GBX2: variants seen among roughly 807,000 people sequenced by gnomAD.
The protein encoded by GBX2 is gastrulation brain homeobox 2.
In GBX2, 5 loss-of-function variants were observed where a neutral mutation model predicts 22.4. The ratio of observed to expected loss-of-function variants is 0.22; its 90% CI spans 0.12 to 0.47. The LOEUF (loss-of-function observed/expected upper bound fraction) is 0.47. Ranked by LOEUF, GBX2 falls within the 20% of genes least tolerant of loss-of-function variation. GBX2 has a pLI of 0.99. For synonymous variants in GBX2, 220 were observed against 230.5 expected (o/e 0.95, Z 0.41); for missense variants, 470 against 495.4 (o/e 0.95, Z 0.49).
Position 236,168,232 on chromosome 2 carries a change from T to G in GBX2, c.-261A>C. On this transcript the variant is annotated 5_prime_UTR_variant, in exon 1 of 2. Transcript: ENST00000306318. ...GCTCGCCGGAGCCCCCGTCCGCCGC[T>G]TGCCCGTCGGAGCCCGCGCGCTTCG... is the stretch of plus-strand genomic sequence containing the variant. 4 of 231,768 alleles carry G rather than the reference T, an allele frequency of 1.7e-5. No individual in the cohort carries two copies. Among genetic ancestry groups the G allele is most frequent in the Non-Finnish European group, 2.5e-5 (3 of 120,820 alleles). 14.4% of individuals were successfully genotyped at this position (231,768 alleles called of 1,614,324 possible).
At chr2:236,161,537 T>A (rs541270705), downstream of GBX2, among the ~76,000 whole-genome samples, 3 of 152,294 alleles carry the variant, frequency 2.0e-5, no homozygotes, top group South Asian at 6.2e-4. Flanking sequence ...GTCTGGGCTG[T>A]CCCTGTAGAA....
rs1288130818 is a variant in GBX2, at chr2:236,165,537, T to C, written c.*377A>G. The C allele has an allele frequency of 1.1e-5, 2 of 175,346 alleles. No individual in the cohort carries two copies. The highest frequency in any genetic ancestry group is 4.7e-5 in the African/African-American group (2 of 42,254). The allele number at this position is 175,346 out of a possible 1,614,324, so 10.9% of individuals were successfully genotyped here. A position where few individuals can be genotyped will look rare whatever the true frequency, so the allele number is the denominator to read the frequency against. On this transcript the variant is annotated 3_prime_UTR_variant, in exon 2 of 2. Coordinates refer to ENST00000306318, the MANE Select transcript of GBX2 (RefSeq NM_001485.4). ...TGTTCTTGGGTTTCACGTTTACCTTTGGAAAAGTATGGAAAGGTGGCTGCT... is the reference window on the plus strand; with the variant it reads ...TGTTCTTGGGTTTCACGTTTACCTTCGGAAAAGTATGGAAAGGTGGCTGCT...
rs1433748050 is a variant in GBX2 at position 236,165,889 on chromosome 2, G to A, written c.*25C>T. ...GGTGCGGGGGCTTCTCCAGGTGGGTGCCAGGCCCTGGCCCTTCTGGACCCT... is the reference window on the plus strand; with the variant it reads ...GGTGCGGGGGCTTCTCCAGGTGGGTACCAGGCCCTGGCCCTTCTGGACCCT... On this transcript the variant is annotated 3_prime_UTR_variant, in exon 2 of 2. Coordinates refer to ENST00000306318, the MANE Select transcript of GBX2 (RefSeq NM_001485.4). 6.4e-7 allele frequency: 1 copy of A among 1,572,184 alleles called. No homozygotes were observed. The highest frequency in any genetic ancestry group is 8.6e-7 in the Non-Finnish European group (1 of 1,159,300).
At chr2:236,161,802 G>A (rs1271725674), downstream of GBX2, among the ~76,000 whole-genome samples, 1 of 152,224 alleles carries the variant, frequency 6.6e-6, no homozygotes, top group Non-Finnish European at 1.5e-5. Flanking sequence ...CTGAAGTCCA[G>A]CAGGGGAAAG....
At position 236,165,986 on chromosome 2, in the gene GBX2, G is replaced by C; in HGVS notation, c.975C>G (p.Val325=). ...ACCTGCTGACGTGGACAGGGATGGG[G>C]ACGACGATCTTAGGGTTCCGGGAGG... The part of the protein sequence containing the change: ...GEPSRNPKIV[V]PIPVHVSRFA... Residue 325 remains valine (V), a synonymous_variant, in exon 2 of 2, where the codon GTC becomes GTG. Coordinates refer to ENST00000306318, the MANE Select transcript of GBX2 (RefSeq NM_001485.4). 3 of 1,614,190 alleles carry C rather than the reference G, an allele frequency of 1.9e-6. 1 individual carries two copies. In the South Asian group the frequency reaches 3.3e-5, roughly 18 times the overall value.
At chr2:236,163,873 G>A (rs1208215131), downstream of GBX2, among the ~76,000 whole-genome samples, 2 of 152,250 alleles carry the variant, frequency 1.3e-5, no homozygotes, top group East Asian at 1.9e-4. Context: ...CGACCCGGGC[G>A]CCATCCCCTC....
Position 236,167,292 on chromosome 2 carries a change from G to A in GBX2, c.523+157C>T, listed in dbSNP as rs574751113. On this transcript the variant is annotated intron_variant, in intron 1 of 1. Transcript: ENST00000306318. ...TGGGTGGCTCTGAATGTCCCCCGGA[G>A]GCCCAGCGGCACAGCCGGGCCTCAT... The A allele has an allele frequency of 2.9e-5, 40 of 1,393,978 alleles. No individual in the cohort carries two copies. In the African/African-American group the frequency reaches 4.7e-4, roughly 16 times the overall value. The allele number at this position is 1,393,978 out of a possible 1,614,324, so 86.4% of individuals were successfully genotyped here. A position where few individuals can be genotyped will look rare whatever the true frequency, so the allele number is the denominator to read the frequency against.
downstream of GBX2, among the ~76,000 whole-genome samples, chr2:236,164,559 C>T (rs1410600786): frequency 1.3e-5 from 2 of 152,152 alleles, no homozygotes; most frequent in Non-Finnish European, 2.9e-5. Context: ...CCCAGCTCCC[C>T]TGCGTAGCCT....
rs1306900922 is a variant in GBX2, at chr2:236,168,245, C to T, written c.-274G>A. Reference sequence around the variant, plus strand: ...CCCGTCCGCCGCTTGCCCGTCGGAGCCCGCGCGCTTCGCGGGTTTGGCCCT... The same window carrying T: ...CCCGTCCGCCGCTTGCCCGTCGGAGTCCGCGCGCTTCGCGGGTTTGGCCCT... On this transcript the variant is annotated 5_prime_UTR_variant, in exon 1 of 2. Transcript: ENST00000306318. 2 of 221,808 alleles carry T rather than the reference C, an allele frequency of 9.0e-6. No homozygotes were observed. Among genetic ancestry groups the T allele is most frequent in the African/African-American group, 2.3e-5 (1 of 43,600 alleles). The allele number at this position is 221,808 out of a possible 1,614,324, so 13.7% of individuals were successfully genotyped here. A position where few individuals can be genotyped will look rare whatever the true frequency, so the allele number is the denominator to read the frequency against.
chr2:236,165,331 A>C lies in GBX2; in HGVS notation c.*583T>G, dbSNP rs1299196995. On this transcript the variant is annotated 3_prime_UTR_variant, in exon 2 of 2. Coordinates refer to ENST00000306318, the MANE Select transcript of GBX2 (RefSeq NM_001485.4). ...TAAGAAAATAAGCTACATTGAAATA[A>C]ATTAACACAACGGAGACGTGCTTCA... 6.6e-6 allele frequency: 1 copy of C among 152,474 alleles called. No individual in the cohort carries two copies. Among genetic ancestry groups the C allele is most frequent in the East Asian group, 1.9e-4 (1 of 5,200 alleles). The allele number at this position is 152,474 out of a possible 1,614,324, so 9.4% of individuals were successfully genotyped here. A position where few individuals can be genotyped will look rare whatever the true frequency, so the allele number is the denominator to read the frequency against.
At position 236,166,646 on chromosome 2, in the gene GBX2, G is replaced by A. The variant is rs2060240890; in HGVS notation, c.524-209C>T. 6.6e-6 allele frequency among the ~76,000 whole-genome samples: 1 copy of A among 152,102 alleles called. No individual in the cohort carries two copies. The highest frequency in any genetic ancestry group is 1.5e-5 in the Non-Finnish European group (1 of 68,026). ...GAGAAAGCTCAAAGGAGAGGAGGCA[G>A]TACAGGCGACGGCCCTTTGCCCAGA... On this transcript the variant is annotated intron_variant, in intron 1 of 1. Transcript: ENST00000306318. The surrounding 1 kb of genome is among the most constrained non-coding windows in gnomAD (Gnocchi z 6.6).
Position 236,167,868 on chromosome 2 carries a change from C to T in GBX2, c.104G>A (p.Ser35Asn). ...DSLIGSPPQP[S>N]PGHFVYTGYP... Reference sequence around the variant, plus strand: ...GCCGGTGTAGACGAAATGGCCGGGGCTGGGCTGCGGCGGGCTGCCGATCAG... The same window carrying T: ...GCCGGTGTAGACGAAATGGCCGGGGTTGGGCTGCGGCGGGCTGCCGATCAG... Residue 35 changes from serine to asparagine, a missense_variant, in exon 1 of 2, where the codon AGC (serine) becomes AAC (asparagine). This residue lies in a region of GBX2 where 377 missense variants were observed against 358.6 expected (regional missense o/e 1.05). Coordinates refer to ENST00000306318, the MANE Select transcript of GBX2 (RefSeq NM_001485.4). 6.5e-7 allele frequency: 1 copy of T among 1,546,486 alleles called. No individual in the cohort carries two copies. The highest frequency in any genetic ancestry group is 1.9e-5 in the Admixed American group (1 of 52,266).
chr2:236,167,876 C>T lies in GBX2; in HGVS notation c.96G>A (p.Pro32=), dbSNP rs1327613896. 1.9e-6 allele frequency: 3 copies of T among 1,548,824 alleles called. No individual in the cohort carries two copies. The highest frequency in any genetic ancestry group is 2.4e-5 in the South Asian group (2 of 84,130). The stretch of plus-strand genomic sequence containing the variant: ...AGACGAAATGGCCGGGGCTGGGCTG[C>T]GGCGGGCTGCCGATCAGCGAGTCTA... ...FSIDSLIGSP[P]QPSPGHFVYT... The change falls in exon 1 of 2, where the codon CCG becomes CCA. Residue 32 remains proline (P), a synonymous_variant. Coordinates refer to ENST00000306318, the MANE Select transcript of GBX2 (RefSeq NM_001485.4).
In GBX2 at chr2:236,167,434, G is replaced by C. The variant is rs928558409; in HGVS notation, c.523+15C>G. 3.3e-6 allele frequency: 5 copies of C among 1,492,584 alleles called. No individual in the cohort carries two copies. The African/African-American group carries it at 5.8e-5, about 17-fold the overall frequency. 92.5% of individuals were successfully genotyped at this position (1,492,584 alleles called of 1,614,324 possible). ...TCCCGCCCCCTCGTCCCGGCTGCGC[G>C]CGCCGCCGACTCACCGAGCGAAGCC... On this transcript the variant is annotated intron_variant, in intron 1 of 1. Coordinates refer to ENST00000306318, the MANE Select transcript of GBX2 (RefSeq NM_001485.4).
At chr2:236,163,970 A>C (rs887554979), downstream of GBX2, among the ~76,000 whole-genome samples, 2 of 152,040 alleles carry the variant, frequency 1.3e-5, no homozygotes, top group Non-Finnish European at 2.9e-5. Flanking sequence ...ACGCCCTCGG[A>C]GGACTGGCCC....
Position 236,168,086 on chromosome 2 carries a change from G to T in GBX2, c.-115C>A. On this transcript the variant is annotated 5_prime_UTR_variant, in exon 1 of 2. Coordinates refer to ENST00000306318, the MANE Select transcript of GBX2 (RefSeq NM_001485.4). ...GGAGCGCCGGGCAGGGGCCGAGCGG[G>T]ACCCGGAGAGCAGACGCCTCCGCCC... The T allele has an allele frequency of 8.6e-7, 1 of 1,161,456 alleles. No homozygotes were observed. The highest frequency in any genetic ancestry group is 2.3e-5 in the South Asian group (1 of 43,416). The allele number at this position is 1,161,456 out of a possible 1,614,324, so 71.9% of individuals were successfully genotyped here. A position where few individuals can be genotyped will look rare whatever the true frequency, so the allele number is the denominator to read the frequency against.
At chr2:236,163,923 AGCCTCTGCGGCTCTCGGC>A (rs2060224041), downstream of GBX2, among the ~76,000 whole-genome samples, 2 of 151,850 alleles carry the variant, frequency 1.3e-5, no homozygotes, top group South Asian at 2.1e-4. Flanking sequence ...CGCGGCCAGG[AGCCTCTGCGGCTCTCGGC>A]GCCCCGCAGA....
In GBX2 at chr2:236,167,480, G is replaced by A; in HGVS notation, c.492C>T (p.Phe164=). ...FLAKEGSLLA[F]SAAETVQASL... is the part of the protein sequence containing the mutation. The stretch of plus-strand genomic sequence containing the variant: ...AAGCCTGCACCGTCTCGGCCGCGGA[G>A]AAGGCGAGCAGCGAGCCCTCTTTGG... Residue 164 remains phenylalanine, a synonymous_variant, in exon 1 of 2, where the codon TTC becomes TTT. Transcript: ENST00000306318. The A allele has an allele frequency of 6.3e-7, 1 of 1,582,968 alleles. No homozygotes were observed. Among genetic ancestry groups the A allele is most frequent in the Non-Finnish European group, 8.5e-7 (1 of 1,171,398 alleles).
chr2:236,167,744 G>A lies in GBX2; in HGVS notation c.228C>T (p.Pro76=), dbSNP rs746599153. The A allele has an allele frequency of 1.3e-6, 2 of 1,495,160 alleles. No homozygotes were observed. The highest frequency in any genetic ancestry group is 2.7e-5 in the South Asian group (2 of 73,642). The allele number at this position is 1,495,160 out of a possible 1,614,324, so 92.6% of individuals were successfully genotyped here. Residue 76 remains proline (P), a synonymous_variant, in exon 1 of 2, where the codon CCC becomes CCT. Transcript: ENST00000306318. ...TGGGGATCTGGTGGTGAGGGTGTGC[G>A]GGCGGCAGCGCTGGCTGCAGCGCGG... The part of the protein sequence containing the change: ...PQAALQPALP[P]AHPHHQIPSL...
Sources: allele counts gnomAD v4.1 joint callset (sites outside exome capture counted in the v4.1 genomes callset), GRCh38; gene constraint gnomAD v4.1.1; regional missense constraint gnomAD v4.1.1; non-coding constraint Gnocchi (gnomAD v3.1); transcripts MANE v1.5; gene names NCBI Gene and HGNC (gene_info 2026-07-23, HGNC 2026-07-21).